LDLRAD3: variants seen among roughly 807,000 people sequenced by gnomAD.
The protein encoded by LDLRAD3 is low density lipoprotein receptor class A domain containing 3.
In LDLRAD3, 20 loss-of-function variants were observed where a neutral mutation model predicts 29.4. The ratio of observed to expected loss-of-function variants is 0.68; its 90% CI spans 0.48 to 0.99. The LOEUF is 0.99. Among genes scored for constraint, LDLRAD3 ranks in the 50% least tolerant of loss-of-function variants. The probability of loss-of-function intolerance (pLI) is 0.00; values close to 1 mark genes in which losing one functional copy is unlikely to be tolerated. For missense variants in LDLRAD3, 420 were observed against 454.3 expected (o/e 0.92, Z 0.69); for synonymous variants, 157 against 192.7 (o/e 0.81, Z 1.53).
At chr11:35,950,339 G>GTCCT (rs1851115366) in intron 1 of LDLRAD3, among the ~76,000 whole-genome samples, 1 of 152,190 alleles carries the variant, frequency 6.6e-6, no homozygotes, top group Admixed American at 6.5e-5. Flanking sequence ...TTTCAGAGGT[G>GTCCT]ATGACACATG....
At position 36,098,479 on chromosome 11, in the gene LDLRAD3, T is replaced by C. The variant is rs1181163573; in HGVS notation, c.454+18T>C. ...TTCTCAAGGTAGGAACCTCTCAAGC[T>C]CTAAAAAGATAATTGCAACACAACA... On this transcript the variant is annotated intron_variant, in intron 4 of 5. Coordinates refer to ENST00000315571, the MANE Select transcript of LDLRAD3 (RefSeq NM_174902.4). 1.2e-6 allele frequency: 2 copies of C among 1,613,866 alleles called. No homozygotes were observed. Among genetic ancestry groups the C allele is most frequent in the Non-Finnish European group, 8.5e-7 (1 of 1,179,836 alleles).
At chr11:36,004,841 T>C (rs1851864933) in intron 1 of LDLRAD3, among the ~76,000 whole-genome samples, 2 of 152,240 alleles carry the variant, frequency 1.3e-5, no homozygotes, top group South Asian at 4.1e-4. Flanking sequence ...CATGTGAAAG[T>C]TGGCAAGGCT....
chr11:35,957,499 A>G (rs925482821), intron 1 of LDLRAD3, among the ~76,000 whole-genome samples: 2 of 152,172 alleles, frequency 1.3e-5, no homozygotes, highest in Non-Finnish European at 2.9e-5. Context: ...AAAAACAGCT[A>G]GTAAAAAGTA....
At chr11:36,109,359 G>T (rs1175914335) in intron 4 of LDLRAD3, among the ~76,000 whole-genome samples, 1 of 151,868 alleles carries the variant, frequency 6.6e-6, no homozygotes, top group Non-Finnish European at 1.5e-5. Flanking sequence ...GATAAGACAC[G>T]TGAAGGTGGG....
At chr11:35,994,253 C>T (rs1222572975) in intron 1 of LDLRAD3, among the ~76,000 whole-genome samples, 1 of 141,156 alleles carries the variant, frequency 7.1e-6, no homozygotes, top group Non-Finnish European at 1.5e-5. Context: ...AGGAGAATGG[C>T]ATGAACCCAG....
At chr11:36,205,575 G>A (rs1855195165) in intron 4 of LDLRAD3, among the ~76,000 whole-genome samples, 1 of 152,306 alleles carries the variant, frequency 6.6e-6, no homozygotes, top group Non-Finnish European at 1.5e-5. Context: ...TTCCCCCAAA[G>A]TCTTTACAGA....
At chr11:36,105,099 G>C (rs1051557394) in intron 4 of LDLRAD3, among the ~76,000 whole-genome samples, 3 of 152,136 alleles carry the variant, frequency 2.0e-5, no homozygotes, top group Non-Finnish European at 4.4e-5. Flanking sequence ...CTTGCTTGCT[G>C]TATCCTGGTG....
At chr11:36,138,895 G>A (rs1854039632) in intron 4 of LDLRAD3, among the ~76,000 whole-genome samples, 1 of 152,196 alleles carries the variant, frequency 6.6e-6, no homozygotes, top group African/African-American at 2.4e-5. Context: ...TAATCCCTAT[G>A]TAATAGGGAA....
intron 2 of LDLRAD3, among the ~76,000 whole-genome samples, chr11:36,043,948 T>C (rs1323685557): frequency 2.0e-5 from 3 of 152,224 alleles, no homozygotes; most frequent in Admixed American, 6.5e-5. Flanking sequence ...CCAAGACCTA[T>C]GTATATTAGC....
rs936064646 is a variant in LDLRAD3 at position 36,177,390 on chromosome 11, C to G, written c.455-49695C>G. 1.6e-4 allele frequency among the ~76,000 whole-genome samples: 24 copies of G among 152,118 alleles called. 1 individual carries two copies. The highest frequency in any genetic ancestry group is 7.3e-5 in the Non-Finnish European group (5 of 68,032). ...TGATCTTTTGTGGATGATAAAGAAC[C>G]TTGCTTTGTCATATTACCAGAATTG... On this transcript the variant is annotated intron_variant, in intron 4 of 5. Transcript: ENST00000315571.
intron 1 of LDLRAD3, among the ~76,000 whole-genome samples, chr11:36,007,811 G>T (rs923959080): frequency 6.6e-6 from 1 of 152,212 alleles, no homozygotes; most frequent in Non-Finnish European, 1.5e-5. Context: ...GGGGAAACTG[G>T]CAGGAGAATC....
At chr11:36,110,678 G>A (rs1480026704) in intron 4 of LDLRAD3, among the ~76,000 whole-genome samples, 5 of 152,104 alleles carry the variant, frequency 3.3e-5, no homozygotes, top group African/African-American at 9.7e-5. Context: ...GCAATTGCCC[G>A]GTCTCACCCA....
At chr11:36,119,963 G>C (rs1352518646) in intron 4 of LDLRAD3, among the ~76,000 whole-genome samples, 2 of 152,046 alleles carry the variant, frequency 1.3e-5, no homozygotes, top group African/African-American at 4.8e-5. Flanking sequence ...TGTAGTTTTA[G>C]CTCTTATTTT....
At chr11:36,182,204 C>T (rs980037663) in intron 4 of LDLRAD3, among the ~76,000 whole-genome samples, 6 of 152,090 alleles carry the variant, frequency 3.9e-5, no homozygotes, top group African/African-American at 7.2e-5. Context: ...GAGGTGACTC[C>T]GCATTCCTCT....
intron 1 of LDLRAD3, among the ~76,000 whole-genome samples, chr11:35,976,424 CA>C: frequency 6.6e-6 from 1 of 152,032 alleles, no homozygotes; most frequent in South Asian, 2.1e-4. Flanking sequence ...AGTTTCTCCC[CA>C]AAACAGGTGA....
intron 1 of LDLRAD3, among the ~76,000 whole-genome samples, chr11:35,945,924 C>T (rs1851051255): frequency 6.6e-6 from 1 of 152,162 alleles, no homozygotes; most frequent in African/African-American, 2.4e-5. Flanking sequence ...TAGCAAGGAG[C>T]AGACGGATAG....
chr11:36,020,439 G>A (rs1234742421), intron 1 of LDLRAD3, among the ~76,000 whole-genome samples: 1 of 152,126 alleles, frequency 6.6e-6, no homozygotes, highest in Non-Finnish European at 1.5e-5. Flanking sequence ...TAATTTGAAG[G>A]AATAATCCAC....
At chr11:36,062,726 G>T (rs999927023) in intron 2 of LDLRAD3, among the ~76,000 whole-genome samples, 8 of 152,050 alleles carry the variant, frequency 5.3e-5, no homozygotes, top group Admixed American at 5.2e-4. Context: ...CATTTGCTTG[G>T]CACTTCTCGC....
chr11:36,043,124 CA>C (rs1366147188), intron 2 of LDLRAD3, among the ~76,000 whole-genome samples: 1 of 152,172 alleles, frequency 6.6e-6, no homozygotes, highest in Non-Finnish European at 1.5e-5. Flanking sequence ...CCAGCCTGGG[CA>C]ACATGGTGAA....
Sources: gnomAD v4.1 joint callset for allele counts (sites outside exome capture counted in the v4.1 genomes callset) on GRCh38, gnomAD v4.1.1 for gene constraint, MANE v1.5 for transcripts, NCBI Gene and HGNC (gene_info 2026-07-23, HGNC 2026-07-21) for gene names.